The following NR2E3 variants were observed in gnomAD, a reference collection of about 807,000 sequenced individuals.
The protein encoded by NR2E3 is nuclear receptor subfamily 2 group E member 3.
NR2E3 carries 38 observed loss-of-function variants against 37.6 expected under a neutral mutation model. That is an observed-to-expected ratio of 1.01 (90% CI 0.78 to 1.33). The LOEUF (loss-of-function observed/expected upper bound fraction) is 1.33, where lower values mean the gene tolerates loss of function less well. NR2E3 is among the 40% of genes most tolerant of loss of function. The pLI, the probability that NR2E3 is intolerant of heterozygous loss-of-function variation, is 0.00. For missense variants in NR2E3, 562 were observed against 558.7 expected (o/e 1.01, Z -0.06); for synonymous variants, 235 against 225.1 (o/e 1.04, Z -0.39).
chr15:71,818,071 C>T lies in NR2E3; in HGVS notation c.*387C>T, dbSNP rs2054241573. 1 of 162,258 alleles carries T rather than the reference C, an allele frequency of 6.2e-6. No homozygotes were observed. Among genetic ancestry groups the T allele is most frequent in the African/African-American group, 2.4e-5 (1 of 41,804 alleles). The allele number at this position is 162,258 out of a possible 1,614,324, so 10.1% of individuals were successfully genotyped here. On this transcript the variant is annotated 3_prime_UTR_variant, in exon 8 of 8. Coordinates refer to ENST00000617575, the MANE Select transcript of NR2E3 (RefSeq NM_014249.4). ...ATAATAGAAGTTGGAATAGTGGTTACTTCTGGGTGGTGGGGGATTGATACA... is the reference window on the plus strand; with the variant it reads ...ATAATAGAAGTTGGAATAGTGGTTATTTCTGGGTGGTGGGGGATTGATACA...
At chr15:71,817,101 C>CTT (rs1555454986) in intron 7 of NR2E3, among the ~76,000 whole-genome samples, 13 of 80,954 alleles carry the variant, frequency 1.6e-4, no homozygotes, top group African/African-American at 3.9e-4. Context: ...TTTCTTTTTT[C>CTT]TTTTTTTTTT....
chr15:71,813,482 C>T lies in NR2E3; in HGVS notation c.841C>T (p.Pro281Ser). ...PLDSCPLLAP[P>S]EASAAGGAQG... ...GGACAGCTGTCCTCTGCTGGCACCG[C>T]CCGAGGCCTCTGCTGCCGGTGGTGC... Residue 281 changes from proline (P) to serine (S), a missense_variant, in exon 6 of 8, where the codon CCC becomes TCC. Transcript: ENST00000617575. The surrounding 1 kb of genome is among the most constrained non-coding windows in gnomAD (Gnocchi z 4.7). 1.2e-6 allele frequency: 2 copies of T among 1,611,004 alleles called. No individual in the cohort carries two copies. The highest frequency in any genetic ancestry group is 1.7e-4 in the Middle Eastern group (1 of 6,054).
chr15:71,810,936 C>T, intron 1 of NR2E3, 75 bp downstream of exon 1: 6 of 1,413,538 alleles, frequency 4.2e-6, no homozygotes, highest in Non-Finnish European at 5.7e-6. Context: ...TTCGCAGGGA[C>T]CATGGAAGGA....
chr15:71,815,519 C>T (rs2054219865), intron 7 of NR2E3, among the ~76,000 whole-genome samples: 1 of 152,202 alleles, frequency 6.6e-6, no homozygotes, highest in African/African-American at 2.4e-5. Context: ...TTGGAACCAA[C>T]TCCCAGAGAT....
At chr15:71,814,399 G>A (rs924991007) in intron 7 of NR2E3, 2 of 1,198,000 alleles carry the variant, frequency 1.7e-6, no homozygotes, top group African/African-American at 3.1e-5. Flanking sequence ...GAATCTGCAG[G>A]AGACAGAGAT....
chr15:71,817,797 A>G lies in NR2E3; in HGVS notation c.*113A>G. ...TCGTAGGTGTGTGTACCCAGCAGAA[A>G]TGCCCACCGAAAGATATTGTAAGAA... On this transcript the variant is annotated 3_prime_UTR_variant, in exon 8 of 8. Coordinates refer to ENST00000617575, the MANE Select transcript of NR2E3 (RefSeq NM_014249.4). 1 of 887,746 alleles carries G rather than the reference A, an allele frequency of 1.1e-6. No individual in the cohort carries two copies. Among genetic ancestry groups the G allele is most frequent in the South Asian group, 2.3e-5 (1 of 44,030 alleles). 55.0% of individuals were successfully genotyped at this position (887,746 alleles called of 1,614,324 possible). A position where few individuals can be genotyped will look rare whatever the true frequency, so the allele number is the denominator to read the frequency against.
chr15:71,810,997 G>A (rs1266927671), intron 1 of NR2E3, 136 bp downstream of exon 1: 1 of 945,546 alleles, frequency 1.1e-6, no homozygotes, highest in Non-Finnish European at 1.5e-6. Context: ...GGGTGGGGTA[G>A]CCTGTGGGTA....
In NR2E3 at chr15:71,812,435, C is replaced by T. The variant is rs765642230; in HGVS notation, c.671C>T (p.Ser224Leu). The change falls in exon 5 of 8, where the codon TCG becomes TTG. Residue 224 changes from serine to leucine, a missense_variant. By Grantham distance (145) the Ser-to-Leu change is moderately radical. Coordinates refer to ENST00000617575, the MANE Select transcript of NR2E3 (RefSeq NM_014249.4). The part of the protein sequence containing the change: ...PCGLDSIHET[S>L]ARLLFMAVKW... ...GGCCTGGACAGCATCCATGAGACCTCGGCTCGCCTACTCTTCATGGCCGTC... is the reference window on the plus strand; with the variant it reads ...GGCCTGGACAGCATCCATGAGACCTTGGCTCGCCTACTCTTCATGGCCGTC... 19 of 1,613,848 alleles carry T rather than the reference C, an allele frequency of 1.2e-5. No individual in the cohort carries two copies. The highest frequency in any genetic ancestry group is 3.3e-5 in the Admixed American group (2 of 60,002).
intron 7 of NR2E3, among the ~76,000 whole-genome samples, chr15:71,816,126 G>C (rs930340553): frequency 1.3e-5 from 2 of 152,146 alleles, no homozygotes; most frequent in African/African-American, 4.8e-5. Context: ...TGCCCAATGT[G>C]GAGTAGCCTC....
Position 71,811,109 on chromosome 15 carries a change from C to T in NR2E3, c.118+248C>T, listed in dbSNP as rs1311990731. On this transcript the variant is annotated intron_variant, in intron 1 of 7. Transcript: ENST00000617575. The surrounding 1 kb of genome is among the most constrained non-coding windows in gnomAD (Gnocchi z 5.6). ...GCCTAGCCGATGGGGAAGGAAAGAA[C>T]AGAGAAGCGCCCTTAGGGCTTAACA... 6.6e-6 allele frequency among the ~76,000 whole-genome samples: 1 copy of T among 152,062 alleles called. No individual in the cohort carries two copies. The highest frequency in any genetic ancestry group is 2.4e-5 in the African/African-American group (1 of 41,388).
intron 7 of NR2E3, 39 bp from the exon 8 acceptor site, chr15:71,817,513 G>A: frequency 1.3e-6 from 2 of 1,561,720 alleles, no homozygotes; most frequent in Non-Finnish European, 8.8e-7. Context: ...GTGCTCAGAA[G>A]CTGGTCGTAA....
intron 7 of NR2E3, among the ~76,000 whole-genome samples, chr15:71,816,839 C>G (rs981493564): frequency 1.3e-5 from 2 of 152,226 alleles, no homozygotes; most frequent in African/African-American, 2.4e-5. Flanking sequence ...TAAGTTGAAG[C>G]TACTGTAAGT....
At position 71,813,744 on chromosome 15, in the gene NR2E3, C is replaced by G; in HGVS notation, c.994+109C>G. Reference sequence around the variant, plus strand: ...GTGCAGATGTGTGTAGGCCTCTATCCTGGGGGGTGGGAGGAGAGTGGTGAG... The same window carrying G: ...GTGCAGATGTGTGTAGGCCTCTATCGTGGGGGGTGGGAGGAGAGTGGTGAG... On this transcript the variant is annotated intron_variant, in intron 6 of 7. Transcript: ENST00000617575. The surrounding 1 kb of genome is among the most constrained non-coding windows in gnomAD (Gnocchi z 4.7). The G allele has an allele frequency of 6.4e-7, 1 of 1,555,352 alleles. No homozygotes were observed. Among genetic ancestry groups the G allele is most frequent in the Non-Finnish European group, 8.8e-7 (1 of 1,142,222 alleles).
chr15:71,813,984 T>C lies in NR2E3; in HGVS notation c.995-28T>C, dbSNP rs777990407. The C allele has an allele frequency of 6.3e-7, 1 of 1,599,888 alleles. No individual in the cohort carries two copies. The highest frequency in any genetic ancestry group is 1.1e-5 in the South Asian group (1 of 88,190). ...CCTTATAACAGCCGTAAACCTGTGCTAAGCTCACTGGTGCTGCTTCTCCCC... is the reference window on the plus strand; with the variant it reads ...CCTTATAACAGCCGTAAACCTGTGCCAAGCTCACTGGTGCTGCTTCTCCCC... On this transcript the variant is annotated intron_variant, in intron 6 of 7. Transcript: ENST00000617575. The surrounding 1 kb of genome is among the most constrained non-coding windows in gnomAD (Gnocchi z 4.7).
At chr15:71,810,958 T>C (rs1334899221) in intron 1 of NR2E3, 97 bp downstream of exon 1, 3 of 1,258,306 alleles carry the variant, frequency 2.4e-6, no homozygotes, top group Admixed American at 6.0e-5. Context: ...CCAGAACAAC[T>C]CAGACCCAGC....
chr15:71,810,776 C>T lies in NR2E3; in HGVS notation c.33C>T (p.Ser11=), dbSNP rs764469729. 2 of 1,577,252 alleles carry T rather than the reference C, an allele frequency of 1.3e-6. No homozygotes were observed. The highest frequency in any genetic ancestry group is 1.8e-5 in the Admixed American group (1 of 54,674). Residue 11 remains serine, a synonymous_variant, in exon 1 of 8, where the codon TCC becomes TCT. Transcript: ENST00000617575. METRPTALMS[S]TVAAAAPAAG... ...CCAGACCAACAGCTCTGATGAGCTCCACAGTGGCTGCAGCTGCGCCTGCAG... is the reference window on the plus strand; with the variant it reads ...CCAGACCAACAGCTCTGATGAGCTCTACAGTGGCTGCAGCTGCGCCTGCAG...
At chr15:71,812,688 A>T (rs2054195495) in intron 5 of NR2E3, among the ~76,000 whole-genome samples, 177 bp downstream of exon 5, 1 of 152,072 alleles carries the variant, frequency 6.6e-6, no homozygotes. Context: ...CATCTCAGGG[A>T]TGGTGACGGT....
intron 7 of NR2E3, 126 bp from the exon 8 acceptor site, chr15:71,817,426 C>G: frequency 7.7e-7 from 1 of 1,294,222 alleles, no homozygotes; most frequent in Non-Finnish European, 1.0e-6. Context: ...GAAATTCCTC[C>G]TGACCCACTC....
intron 7 of NR2E3, among the ~76,000 whole-genome samples, chr15:71,815,961 G>T (rs1209208616): frequency 6.6e-6 from 1 of 152,188 alleles, no homozygotes; most frequent in African/African-American, 2.4e-5. Flanking sequence ...AACAGAAGCA[G>T]GGAAGGCAGA....
Sources: allele counts gnomAD v4.1 joint callset (sites outside exome capture counted in the v4.1 genomes callset), GRCh38; gene constraint gnomAD v4.1.1; non-coding constraint Gnocchi (gnomAD v3.1); transcripts MANE v1.5; gene names NCBI Gene and HGNC (gene_info 2026-07-23, HGNC 2026-07-21).